The following SAMD5 variants were observed in gnomAD, a reference collection of about 807,000 sequenced individuals.
The protein encoded by SAMD5 is sterile alpha motif domain-containing protein 5.
Under a neutral mutation model 11.3 loss-of-function variants are expected in SAMD5, and 13 were observed. The ratio of observed to expected loss-of-function variants is 1.15; its 90% CI spans 0.75 to 1.83. The LOEUF (loss-of-function observed/expected upper bound fraction) is 1.83, where lower values mean the gene tolerates loss of function less well. Ranked by LOEUF, SAMD5 falls within the 40% of genes most tolerant of loss-of-function variation. The pLI is 0.00. For missense variants in SAMD5, 255 were observed against 239.1 expected (o/e 1.07, Z -0.44); for synonymous variants, 129 against 111.3 (o/e 1.16, Z -1.00).
intron 1 of SAMD5, among the ~76,000 whole-genome samples, chr6:147,522,070 ATCTG>A (rs1024344996): frequency 1.2e-4 from 19 of 152,184 alleles, no homozygotes; most frequent in Non-Finnish European, 2.1e-4. Flanking sequence ...TAACTGTCTA[ATCTG>A]TCTAAGTTTA....
At chr6:147,532,765 C>A (rs1444692004) in intron 1 of SAMD5, among the ~76,000 whole-genome samples, 2 of 152,042 alleles carry the variant, frequency 1.3e-5, no homozygotes, top group African/African-American at 4.8e-5. Context: ...TCAAAGTGTT[C>A]CCTTTTCACC....
At chr6:147,951,849 T>C in the SAMD5 span, among the ~76,000 whole-genome samples, 1 of 152,200 alleles carries the variant, frequency 6.6e-6, no homozygotes, top group Admixed American at 6.5e-5. Flanking sequence ...CTACATACCA[T>C]ATGGCCCCTC....
At chr6:147,779,948 G>T in the SAMD5 span, among the ~76,000 whole-genome samples, 1 of 152,254 alleles carries the variant, frequency 6.6e-6, no homozygotes, top group African/African-American at 2.4e-5. Context: ...GATATTAGTT[G>T]TTGTTGTTGT....
chr6:147,829,573 ATATT>A, the SAMD5 span, among the ~76,000 whole-genome samples: 2 of 152,290 alleles, frequency 1.3e-5, no homozygotes, highest in South Asian at 2.1e-4. Flanking sequence ...ATACATGAAT[ATATT>A]TATATATGCA....
chr6:147,693,841 C>G (rs1194859378), intron 1 of SAMD5, among the ~76,000 whole-genome samples: 1 of 152,046 alleles, frequency 6.6e-6, no homozygotes, highest in African/African-American at 2.4e-5. Context: ...TGGTGGCGGG[C>G]ATCTGTAATC....
chr6:147,570,900 G>A (rs990626106), downstream of SAMD5, among the ~76,000 whole-genome samples: 6 of 152,144 alleles, frequency 3.9e-5, no homozygotes, highest in African/African-American at 1.4e-4. Context: ...GGTGGCAGAC[G>A]ATTGGCGTTC....
intron 1 of SAMD5, among the ~76,000 whole-genome samples, chr6:147,671,889 ATTTTTTTT>A (rs56865442): frequency 2.0e-5 from 2 of 98,062 alleles, no homozygotes; most frequent in African/African-American, 8.1e-5. Context: ...CTTTTTCAGG[ATTTTTTTT>A]TTTTTTTTTT....
the SAMD5 span, among the ~76,000 whole-genome samples, chr6:147,930,050 C>T: frequency 6.6e-6 from 1 of 152,104 alleles, no homozygotes; most frequent in East Asian, 1.9e-4. Context: ...CCTTTTGCTG[C>T]TTAGAAATGT....
chr6:147,772,937 G>A, the SAMD5 span, among the ~76,000 whole-genome samples: 1 of 152,158 alleles, frequency 6.6e-6, no homozygotes, highest in African/African-American at 2.4e-5. Context: ...AGTAAGCACT[G>A]AGTGCCCGCT....
In SAMD5 at chr6:147,734,784, A is replaced by T. The variant is rs1451021722; in HGVS notation, c.163-2533A>T. Among the ~76,000 whole-genome samples, 8 of 146,840 alleles carry T rather than the reference A, an allele frequency of 5.4e-5. No individual in the cohort carries two copies. The East Asian group carries it at 1.7e-3, about 32-fold the overall frequency. ...CAAATATCTGGATAATTAAATCCGT[A>T]TTTAAAAGGCACACATAGATACTCA... On this transcript the variant is annotated intron_variant, in intron 1 of 1. Transcript: ENST00000566741.
At chr6:147,620,962 C>CTGTGTGTGTGTGTGTGTG (rs78040354) in intron 1 of SAMD5, among the ~76,000 whole-genome samples, 10 of 128,450 alleles carry the variant, frequency 7.8e-5, no homozygotes, top group African/African-American at 2.4e-4. Context: ...GTATGTGCCT[C>CTGTGTGTGTGTGTGTGTG]TGTGTGTGTG....
At chr6:147,736,039 G>T (rs1163843055) in intron 1 of SAMD5, among the ~76,000 whole-genome samples, 2 of 152,010 alleles carry the variant, frequency 1.3e-5, no homozygotes, top group Non-Finnish European at 2.9e-5. Context: ...GTGTATTAAG[G>T]TCCTACCATA....
intron 1 of SAMD5, among the ~76,000 whole-genome samples, chr6:147,651,497 G>A (rs796179287): frequency 1.3e-5 from 2 of 152,214 alleles, no homozygotes; most frequent in African/African-American, 4.8e-5. Context: ...GGTTGATTAG[G>A]TCATGAGGGA....
At chr6:147,774,206 T>G in the SAMD5 span, among the ~76,000 whole-genome samples, 3 of 152,100 alleles carry the variant, frequency 2.0e-5, no homozygotes, top group Non-Finnish European at 4.4e-5. Flanking sequence ...TTTATTCACC[T>G]CCCAAATGTC....
chr6:147,886,615 A>C, the SAMD5 span, among the ~76,000 whole-genome samples: 1 of 152,134 alleles, frequency 6.6e-6, no homozygotes, highest in African/African-American at 2.4e-5. Context: ...ATAAGACTCC[A>C]TCTTACTAGC....
chr6:147,754,220 T>C, the SAMD5 span, among the ~76,000 whole-genome samples: 1 of 152,152 alleles, frequency 6.6e-6, no homozygotes, highest in Non-Finnish European at 1.5e-5. Flanking sequence ...TTATTATTGC[T>C]TGTCTTTTGA....
the SAMD5 span, among the ~76,000 whole-genome samples, chr6:147,790,051 A>T: frequency 1.3e-5 from 2 of 152,242 alleles, no homozygotes; most frequent in African/African-American, 2.4e-5. Context: ...GAGTAGCCGT[A>T]TGATCCAGCA....
the SAMD5 span, among the ~76,000 whole-genome samples, chr6:147,810,575 A>G: frequency 6.6e-6 from 1 of 152,202 alleles, no homozygotes; most frequent in Non-Finnish European, 1.5e-5. Context: ...AAGGAATGAA[A>G]CATAGTGCTG....
intron 1 of SAMD5, chr6:147,729,960 C>A (rs1207019024): frequency 2.4e-6 from 1 of 412,730 alleles, no homozygotes; most frequent in East Asian, 7.1e-5. Context: ...TGGCGTGTGC[C>A]TGTAATCCCA....
Sources: gnomAD v4.1 joint callset for allele counts (sites outside exome capture counted in the v4.1 genomes callset) on GRCh38, gnomAD v4.1.1 for gene constraint, MANE v1.5 for transcripts, NCBI Gene and HGNC (gene_info 2026-07-23, HGNC 2026-07-21) for gene names.